The following LSAMP variants were observed in gnomAD, a reference collection of about 807,000 sequenced individuals.
The protein encoded by LSAMP is limbic system associated membrane protein.
Under a neutral mutation model 38.6 loss-of-function variants are expected in LSAMP, and 7 were observed. The observed-to-expected ratio is 0.18, with a 90% CI of 0.10 to 0.34. The LOEUF is 0.34. Among genes scored for constraint, LSAMP ranks in the 10% least tolerant of loss-of-function variants. The pLI is 1.00. For synonymous variants in LSAMP, 154 were observed against 166.8 expected (o/e 0.92, Z 0.59); for missense variants, 313 against 420.0 (o/e 0.75, Z 2.23).
At chr3:116,104,330 C>A (rs1708413973) in intron 1 of LSAMP, among the ~76,000 whole-genome samples, 1 of 151,924 alleles carries the variant, frequency 6.6e-6, no homozygotes, top group Non-Finnish European at 1.5e-5. Flanking sequence ...GAAGAACACT[C>A]TCCATTGTGT....
Position 116,355,774 on chromosome 3 carries a change from T to C in LSAMP, c.155+89103A>G, listed in dbSNP as rs144069072. Among the ~76,000 whole-genome samples, 120 of 152,270 alleles carry C rather than the reference T, an allele frequency of 7.9e-4. 2 individuals carry two copies. Among genetic ancestry groups the C allele is most frequent in the Admixed American group, 9.2e-4 (14 of 15,296 alleles). ...AATAATAATGGGCAAAAGATCTGAA[T>C]GGACATTTCCCAAAGAAAACATACA... On this transcript the variant is annotated intron_variant, in intron 1 of 6. Coordinates refer to ENST00000490035, the MANE Select transcript of LSAMP (RefSeq NM_002338.5).
chr3:116,103,422 GC>G (rs1708390450), intron 1 of LSAMP, among the ~76,000 whole-genome samples: 1 of 133,884 alleles, frequency 7.5e-6, no homozygotes, highest in African/African-American at 3.0e-5. Context: ...CTGAGATTAT[GC>G]CACTGCACTC....
chr3:116,172,351 C>T (rs1710222444), intron 1 of LSAMP, among the ~76,000 whole-genome samples: 1 of 145,810 alleles, frequency 6.9e-6, no homozygotes, highest in Admixed American at 6.7e-5. Flanking sequence ...TTAAGGCTTT[C>T]CTTTTTTTTT....
intron 1 of LSAMP, among the ~76,000 whole-genome samples, chr3:116,398,536 A>G (rs1001970728): frequency 2.6e-5 from 4 of 152,180 alleles, no homozygotes; most frequent in Non-Finnish European, 4.4e-5. Context: ...GTTTTGATGA[A>G]ATAGAAAGAG....
intron 1 of LSAMP, among the ~76,000 whole-genome samples, chr3:116,151,998 A>C (rs1032782558): frequency 1.3e-5 from 2 of 152,030 alleles, no homozygotes; most frequent in African/African-American, 4.8e-5. Flanking sequence ...TACCTTTTAA[A>C]TTTATCTGAT....
intron 1 of LSAMP, among the ~76,000 whole-genome samples, chr3:116,252,298 T>A (rs779517733): frequency 2.0e-5 from 3 of 152,174 alleles, no homozygotes; most frequent in Non-Finnish European, 4.4e-5. Context: ...GAGGGGCAAC[T>A]GAAATGTGCT....
At position 116,061,152 on chromosome 3, in the gene LSAMP, T is replaced by C. The variant is rs140837194; in HGVS notation, c.388+25172A>G. Among the ~76,000 whole-genome samples the C allele has an allele frequency of 3.3e-3, 501 of 152,210 alleles. 5 individuals carry two copies. The highest frequency in any genetic ancestry group is 0.012 in the African/African-American group (482 of 41,528). On this transcript the variant is annotated intron_variant, in intron 2 of 6. Transcript: ENST00000490035. ...AATTCTCACAATATTTTAATATTAA[T>C]ATTTTTATTTTGCAAATAAGCAAAC... is the stretch of plus-strand genomic sequence containing the variant.
chr3:116,225,894 T>A (rs1428010825), intron 1 of LSAMP, among the ~76,000 whole-genome samples: 1 of 152,182 alleles, frequency 6.6e-6, no homozygotes, highest in Non-Finnish European at 1.5e-5. Flanking sequence ...TTACAAATCA[T>A]CTTCCAACAT....
chr3:115,948,481 T>A (rs1938174972), intron 3 of LSAMP, among the ~76,000 whole-genome samples: 1 of 152,030 alleles, frequency 6.6e-6, no homozygotes, highest in African/African-American at 2.4e-5. Flanking sequence ...AAAAGAACCC[T>A]CAAAACCATA....
intron 6 of LSAMP, among the ~76,000 whole-genome samples, chr3:115,830,785 C>T (rs1934583000): frequency 6.6e-6 from 1 of 152,224 alleles, no homozygotes; most frequent in South Asian, 2.1e-4. Flanking sequence ...CAAAATTTTT[C>T]TCCCATTTTA....
chr3:116,252,859 A>G (rs1005870340), intron 1 of LSAMP, among the ~76,000 whole-genome samples: 18 of 152,220 alleles, frequency 1.2e-4, no homozygotes, highest in African/African-American at 4.3e-4. Context: ...TCTGACCCCC[A>G]TTGTCAAGGA....
At chr3:116,103,008 C>T (rs944439668) in intron 1 of LSAMP, among the ~76,000 whole-genome samples, 7 of 151,918 alleles carry the variant, frequency 4.6e-5, no homozygotes, top group African/African-American at 1.2e-4. Flanking sequence ...ACCCACCCCC[C>T]CAAAAAAAAC....
At chr3:116,168,337 A>G (rs1710111437) in intron 1 of LSAMP, among the ~76,000 whole-genome samples, 1 of 152,184 alleles carries the variant, frequency 6.6e-6, no homozygotes, top group Non-Finnish European at 1.5e-5. Flanking sequence ...ATTTCCTGAG[A>G]ATCAAAGAAC....
At chr3:115,921,602 A>G (rs998520374) in intron 3 of LSAMP, among the ~76,000 whole-genome samples, 4 of 152,028 alleles carry the variant, frequency 2.6e-5, no homozygotes, top group Admixed American at 6.6e-5. Context: ...GCAGTATTAC[A>G]GTATTCTGTA....
intron 1 of LSAMP, among the ~76,000 whole-genome samples, chr3:116,299,522 CTG>C (rs1430223434): frequency 6.6e-6 from 1 of 152,188 alleles, no homozygotes; most frequent in Admixed American, 6.5e-5. Flanking sequence ...TGTACTTACA[CTG>C]AGAATAATAG....
chr3:116,430,439 C>A (rs565019683), intron 1 of LSAMP, among the ~76,000 whole-genome samples: 1 of 152,152 alleles, frequency 6.6e-6, no homozygotes, highest in East Asian at 1.9e-4. Flanking sequence ...TTTCAATCTT[C>A]TACTCCATAA....
At chr3:115,855,953 C>T (rs1935495039) in intron 3 of LSAMP, among the ~76,000 whole-genome samples, 1 of 152,182 alleles carries the variant, frequency 6.6e-6, no homozygotes, top group Non-Finnish European at 1.5e-5. Flanking sequence ...GTTCTAGTCA[C>T]ACCCAGGAGA....
At chr3:116,327,904 G>A (rs57143980) in intron 1 of LSAMP, among the ~76,000 whole-genome samples, 3,101 of 152,200 alleles carry the variant, frequency 0.02, 111 homozygotes, top group African/African-American at 0.072. Flanking sequence ...TATTTGTGCT[G>A]AGATATTACA....
chr3:116,018,097 G>A (rs753475977), intron 3 of LSAMP, among the ~76,000 whole-genome samples: 100 of 152,014 alleles, frequency 6.6e-4, no homozygotes, highest in Non-Finnish European at 3.2e-4. Context: ...ATAAGTATGC[G>A]AGTCAATGAG....
Sources: gnomAD v4.1 joint callset for allele counts (sites outside exome capture counted in the v4.1 genomes callset) on GRCh38, gnomAD v4.1.1 for gene constraint, MANE v1.5 for transcripts, NCBI Gene and HGNC (gene_info 2026-07-23, HGNC 2026-07-21) for gene names.